Variants in CLIP2 observed in about 807,000 individuals in gnomAD.
The protein encoded by CLIP2 is CAP-Gly domain-containing linker protein 2.
Under a neutral mutation model 111.7 loss-of-function variants are expected in CLIP2, and 41 were observed. That is an observed-to-expected ratio of 0.37 (90% confidence interval 0.29 to 0.48). The LOEUF (loss-of-function observed/expected upper bound fraction) is 0.48, where lower values mean the gene tolerates loss of function less well. CLIP2 is among the 20% of genes least tolerant of loss of function. CLIP2 has a pLI of 0.99. For missense variants in CLIP2, 1,160 were observed against 1,422.1 expected (o/e 0.82, Z 2.96); for synonymous variants, 660 against 644.2 (o/e 1.02, Z -0.37).
At position 74,376,392 on chromosome 7, in the gene CLIP2, T is replaced by C; in HGVS notation, c.1991T>C (p.Leu664Pro). ...ATCAAGATGGAGCACCAGCTGGAGC[T>C]GGGTAACTTGCAGGCCAAGCATGAC... is the stretch of plus-strand genomic sequence containing the variant. Reference protein sequence around the residue: ...EGIKMEHQLELGNLQAKHDLE... With the variant: ...EGIKMEHQLEPGNLQAKHDLE... Residue 664 changes from leucine (L) to proline (P), a missense_variant, in exon 10 of 17, where the codon CTG becomes CCG. Transcript: ENST00000223398. This position sits in a 1 kb window ranked among gnomAD's most constrained non-coding sequence, Gnocchi z 7.1. 2 of 1,613,976 alleles carry C rather than the reference T, an allele frequency of 1.2e-6. No homozygotes were observed. The highest frequency in any genetic ancestry group is 8.5e-7 in the Non-Finnish European group (1 of 1,180,010).
intron 1 of CLIP2, among the ~76,000 whole-genome samples, chr7:74,291,855 G>A (rs963291899): frequency 2.0e-5 from 3 of 151,624 alleles, no homozygotes; most frequent in Non-Finnish European, 2.9e-5. Flanking sequence ...GCCTGCCCAC[G>A]TGTGGTCCCC....
In CLIP2 at chr7:74,384,339, T is replaced by C. The variant is rs1162003966; in HGVS notation, c.2480-2182T>C. Among the ~76,000 whole-genome samples the C allele has an allele frequency of 3.3e-5, 5 of 152,250 alleles. 1 individual carries two copies. The South Asian group carries it at 1.0e-3, about 32-fold the overall frequency. ...GGTTGTTTCTACCTTTTGGCTATTG[T>C]GAATGATGCTGCTAAGAACATAGAT... On this transcript the variant is annotated intron_variant, in intron 11 of 16. Coordinates refer to ENST00000223398, the MANE Select transcript of CLIP2 (RefSeq NM_003388.5).
chr7:74,375,387 A>G (rs1790744604), intron 9 of CLIP2, among the ~76,000 whole-genome samples: 1 of 151,558 alleles, frequency 6.6e-6, no homozygotes, highest in Non-Finnish European at 1.5e-5. Flanking sequence ...CATCTTTACT[A>G]AAAAAACACA....
intron 10 of CLIP2, 171 bp from the exon 11 acceptor site, chr7:74,380,635 C>T (rs1210868090): frequency 3.2e-5 from 17 of 531,904 alleles, no homozygotes; most frequent in African/African-American, 1.9e-4. Context: ...CAGGGAGGTC[C>T]GACTGAGGAC....
chr7:74,290,949 G>A (rs1787998533), intron 1 of CLIP2, among the ~76,000 whole-genome samples: 1 of 152,134 alleles, frequency 6.6e-6, no homozygotes, highest in African/African-American at 2.4e-5. Flanking sequence ...CTGGAGGATG[G>A]GGCAGACCAG....
chr7:74,335,666 CCTTCCTTCCTTG>C lies in CLIP2; in HGVS notation c.122-2770_122-2759del, dbSNP rs1362132769. 2.0e-3 allele frequency among the ~76,000 whole-genome samples: 296 copies of C among 144,832 alleles called. 1 individual carries two copies. Among genetic ancestry groups the C allele is most frequent in the African/African-American group, 4.1e-3 (163 of 39,640 alleles). On this transcript the variant is annotated intron_variant, in intron 2 of 16. Coordinates refer to ENST00000223398, the MANE Select transcript of CLIP2 (RefSeq NM_003388.5). ...ATTTTCCTTCCTTCCTTCCTTCCTT[CCTTCCTTCCTTG>C]CTTCCTTCCTTTCTCTTTTTTTCTT...
rs1046547635 is a variant in CLIP2, at chr7:74,375,875, C to T, written c.1486-12C>T. The T allele has an allele frequency of 1.8e-5, 27 of 1,503,370 alleles. No individual in the cohort carries two copies. Among genetic ancestry groups the T allele is most frequent in the Non-Finnish European group, 2.1e-5 (24 of 1,124,344 alleles). 93.1% of individuals were successfully genotyped at this position (1,503,370 alleles called of 1,614,324 possible). On this transcript the variant is annotated splice_polypyrimidine_tract_variant and intron_variant, in intron 9 of 16. Transcript: ENST00000223398. ...CCAGCCCGCTGATCCCTGTCTCCCT[C>T]TCTCCCCACAGCTGACCACAGTGGC... is the stretch of plus-strand genomic sequence containing the variant.
rs374368565 is a variant in CLIP2 at position 74,354,021 on chromosome 7, C to A, written c.803+17C>A. 9 of 1,602,038 alleles carry A rather than the reference C, an allele frequency of 5.6e-6. No individual in the cohort carries two copies. In the African/African-American group the frequency reaches 1.1e-4, roughly 19 times the overall value. On this transcript the variant is annotated intron_variant, in intron 4 of 16. Coordinates refer to ENST00000223398, the MANE Select transcript of CLIP2 (RefSeq NM_003388.5). ...GGGCACCAGGTATGGTGGGCTTCTT[C>A]TGGGGAGTATGGGAGGGGGCTCCTC... is the stretch of plus-strand genomic sequence containing the variant.
At chr7:74,358,055 T>G (rs1248150880) in intron 6 of CLIP2, among the ~76,000 whole-genome samples, 7 of 145,004 alleles carry the variant, frequency 4.8e-5, no homozygotes, top group African/African-American at 7.8e-5. Context: ...GCAAGGGTTT[T>G]TTTTTTTTTT....
intron 1 of CLIP2, among the ~76,000 whole-genome samples, chr7:74,316,260 T>C (rs1032254525): frequency 1.8e-4 from 27 of 152,202 alleles, no homozygotes; most frequent in African/African-American, 6.5e-4. Context: ...TTGTTTTTGT[T>C]TTGAGACAGA....
chr7:74,381,434 G>A (rs1263079807), intron 11 of CLIP2: 3 of 322,454 alleles, frequency 9.3e-6, no homozygotes, highest in Non-Finnish European at 1.8e-5. Context: ...TGATCCGCCC[G>A]CCTTGGCCTC....
intron 5 of CLIP2, among the ~76,000 whole-genome samples, chr7:74,357,056 C>G (rs1790167502): frequency 6.6e-6 from 1 of 152,144 alleles, no homozygotes; most frequent in South Asian, 2.1e-4. Flanking sequence ...AGCTGACTCT[C>G]CTGAGATGGG....
chr7:74,309,188 G>A (rs373076592), intron 1 of CLIP2, among the ~76,000 whole-genome samples: 2 of 151,322 alleles, frequency 1.3e-5, no homozygotes, highest in East Asian at 4.0e-4. Context: ...TTAAGTGTAT[G>A]GTTTGGGCCC....
intron 1 of CLIP2, among the ~76,000 whole-genome samples, chr7:74,317,253 C>T (rs971603090): frequency 6.6e-6 from 1 of 152,144 alleles, no homozygotes; most frequent in Admixed American, 6.6e-5. Context: ...GCAATAGCCT[C>T]TCTGTGTGTT....
rs782383422 is a variant in CLIP2 at position 74,338,439 on chromosome 7, T to C, written c.122-9T>C. The C allele has an allele frequency of 1.9e-6, 3 of 1,611,016 alleles. No individual in the cohort carries two copies. Among genetic ancestry groups the C allele is most frequent in the South Asian group, 2.2e-5 (2 of 90,832 alleles). ...CCACCTCTTTCCCTTTCCCTCTCCT[T>C]CTCTGCAGGCTCCCCACTGCACAAA... On this transcript the variant is annotated splice_polypyrimidine_tract_variant and intron_variant, in intron 2 of 16. Coordinates refer to ENST00000223398, the MANE Select transcript of CLIP2 (RefSeq NM_003388.5). This position sits in a 1 kb window ranked among gnomAD's most constrained non-coding sequence, Gnocchi z 4.3.
intron 8 of CLIP2, among the ~76,000 whole-genome samples, chr7:74,365,083 C>T (rs1790443645): frequency 6.7e-6 from 1 of 150,330 alleles, no homozygotes; most frequent in South Asian, 2.1e-4. Flanking sequence ...GATGTTGGGG[C>T]ACAACCCAGC....
intron 12 of CLIP2, among the ~76,000 whole-genome samples, 157 bp downstream of exon 12, chr7:74,386,761 G>A (rs1414629668): frequency 2.0e-5 from 3 of 152,072 alleles, no homozygotes; most frequent in Admixed American, 6.6e-5. Context: ...GGTGGCTCGC[G>A]CCTGTAATCC....
intron 14 of CLIP2, among the ~76,000 whole-genome samples, chr7:74,397,694 T>C (rs1791498888): frequency 7.7e-6 from 1 of 129,236 alleles, no homozygotes; most frequent in Non-Finnish European, 1.6e-5. Context: ...TGAGACAGAG[T>C]CTCGCTCTGT....
intron 1 of CLIP2, among the ~76,000 whole-genome samples, chr7:74,298,759 C>G (rs188631567): frequency 6.6e-6 from 1 of 152,156 alleles, no homozygotes; most frequent in African/African-American, 2.4e-5. Context: ...GTCTCAAACT[C>G]CTGACCTCAG....
Sources: allele counts gnomAD v4.1 joint callset (sites outside exome capture counted in the v4.1 genomes callset), GRCh38; gene constraint gnomAD v4.1.1; non-coding constraint Gnocchi (gnomAD v3.1); transcripts MANE v1.5; gene names NCBI Gene and HGNC (gene_info 2026-07-23, HGNC 2026-07-21).